Variants in CCDC85C observed in about 807,000 individuals in gnomAD.
CCDC85C encodes the protein coiled-coil domain containing 85C.
CCDC85C carries 18 observed loss-of-function variants against 38.3 expected under a neutral mutation model. The observed-to-expected ratio is 0.47, with a 90% CI of 0.33 to 0.70. The LOEUF is 0.70. Among genes scored for constraint, CCDC85C ranks in the 30% least tolerant of loss-of-function variants. The probability of loss-of-function intolerance (pLI) is 0.03; values close to 1 mark genes in which losing one functional copy is unlikely to be tolerated. For missense variants in CCDC85C, 566 were observed against 621.2 expected (o/e 0.91, Z 0.94); for synonymous variants, 264 against 293.8 (o/e 0.90, Z 1.04).
At chr14:99,571,345 G>GTAGTAATAATAATAATAATAA (rs35376895) in intron 1 of CCDC85C, among the ~76,000 whole-genome samples, 90 of 149,912 alleles carry the variant, frequency 6.0e-4, no homozygotes, top group African/African-American at 2.1e-3. Flanking sequence ...AGTAGTAGTA[G>GTAGTAATAATAATAATAATAA]TAATAATAAT....
In CCDC85C at chr14:99,505,619, TG is replaced by T. The variant is rs1896955018; in HGVS notation, c.*9626del. The T allele has an allele frequency of 6.6e-6, 1 of 152,222 alleles. No individual in the cohort carries two copies. Among genetic ancestry groups the T allele is most frequent in the Non-Finnish European group, 1.5e-5 (1 of 68,058 alleles). The allele number at this position is 152,222 out of a possible 1,614,324, so 9.4% of individuals were successfully genotyped here. A position where few individuals can be genotyped will look rare whatever the true frequency, so the allele number is the denominator to read the frequency against. On this transcript the variant is annotated 3_prime_UTR_variant, in exon 6 of 6. Coordinates refer to ENST00000380243, the MANE Select transcript of CCDC85C (RefSeq NM_001144995.2). ...TGGCACACTTGTAATCCCAGCACTT[TG>T]GGAGGCCAAGGCATGCTTTGAGCCC...
intron 2 of CCDC85C, among the ~76,000 whole-genome samples, chr14:99,528,181 C>T (rs1248107186): frequency 2.0e-5 from 3 of 152,130 alleles, no homozygotes; most frequent in Non-Finnish European, 4.4e-5. Context: ...CCCCCACAAA[C>T]ACCACTGCAA....
At chr14:99,532,074 C>G (rs1357396919) in intron 2 of CCDC85C, among the ~76,000 whole-genome samples, 1 of 152,200 alleles carries the variant, frequency 6.6e-6, no homozygotes, top group African/African-American at 2.4e-5. Flanking sequence ...ACTGGAGACA[C>G]CAATGTGGCC....
In CCDC85C at chr14:99,603,570, G is replaced by A; in HGVS notation, c.390C>T (p.Leu130=). 8 of 1,398,896 alleles carry A rather than the reference G, an allele frequency of 5.7e-6. No individual in the cohort carries two copies. The highest frequency in any genetic ancestry group is 6.5e-6 in the Non-Finnish European group (7 of 1,082,058). The allele number at this position is 1,398,896 out of a possible 1,614,324, so 86.7% of individuals were successfully genotyped here. A position where few individuals can be genotyped will look rare whatever the true frequency, so the allele number is the denominator to read the frequency against. The stretch of plus-strand genomic sequence containing the variant: ...GCAGCAGGGCCTCCTGGCGCGCCTC[G>A]AGCTCGCGCAGCTTCTGCTGCGAGC... ...VARSQQKLRE[L]EARQEALLRE... is the part of the protein sequence containing the mutation. Residue 130 remains leucine, a synonymous_variant, in exon 1 of 6, where the codon CTC becomes CTT. Coordinates refer to ENST00000380243, the MANE Select transcript of CCDC85C (RefSeq NM_001144995.2). This position sits in a 1 kb window ranked among gnomAD's most constrained non-coding sequence, Gnocchi z 7.5.
At chr14:99,564,504 G>A (rs977487571) in intron 1 of CCDC85C, among the ~76,000 whole-genome samples, 31 of 152,184 alleles carry the variant, frequency 2.0e-4, no homozygotes, top group African/African-American at 6.0e-4. Flanking sequence ...TGAGTTGCAC[G>A]ACACCGTTTA....
intron 2 of CCDC85C, among the ~76,000 whole-genome samples, chr14:99,531,363 C>A (rs1163693101): frequency 1.3e-5 from 2 of 152,058 alleles, no homozygotes; most frequent in Non-Finnish European, 2.9e-5. Context: ...CAATTACAGC[C>A]GCCCCCAGCC....
In CCDC85C at chr14:99,603,563, G is replaced by A; in HGVS notation, c.397C>T (p.Arg133Cys). 1 of 1,394,940 alleles carries A rather than the reference G, an allele frequency of 7.2e-7. No homozygotes were observed. Among genetic ancestry groups the A allele is most frequent in the Non-Finnish European group, 9.3e-7 (1 of 1,080,300 alleles). 86.4% of individuals were successfully genotyped at this position (1,394,940 alleles called of 1,614,324 possible). Residue 133 changes from arginine (R) to cysteine (C), a missense_variant, in exon 1 of 6, where the codon CGC becomes TGC. This residue lies in a region of CCDC85C where 269 missense variants were observed against 308.2 expected (regional missense o/e 0.87). Transcript: ENST00000380243. This position sits in a 1 kb window ranked among gnomAD's most constrained non-coding sequence, Gnocchi z 7.5. ...TTCTCGCGCAGCAGGGCCTCCTGGC[G>A]CGCCTCGAGCTCGCGCAGCTTCTGC... ...SQQKLRELEA[R>C]QEALLRENLE...
chr14:99,553,923 G>A (rs888458215), intron 1 of CCDC85C, among the ~76,000 whole-genome samples: 1 of 152,162 alleles, frequency 6.6e-6, no homozygotes. Flanking sequence ...CAAACTTGGG[G>A]GACAGAGGGT....
chr14:99,554,170 C>A (rs1279778248), intron 1 of CCDC85C, among the ~76,000 whole-genome samples: 1 of 152,208 alleles, frequency 6.6e-6, no homozygotes, highest in Non-Finnish European at 1.5e-5. Context: ...TCAGCCCACA[C>A]CCTCAGCTCC....
chr14:99,515,152 AGGG>A lies in CCDC85C; in HGVS notation c.*91_*93del. ...ACAGTTCACCACAGAGGAAGAAGAC[AGGG>A]GCTGGGCTGGAGGTCCTGCCCGTGT... is the stretch of plus-strand genomic sequence containing the variant. On this transcript the variant is annotated 3_prime_UTR_variant, in exon 6 of 6. Coordinates refer to ENST00000380243, the MANE Select transcript of CCDC85C (RefSeq NM_001144995.2). 1 of 864,778 alleles carries A rather than the reference AGGG, an allele frequency of 1.2e-6. No individual in the cohort carries two copies. Among genetic ancestry groups the A allele is most frequent in the Non-Finnish European group, 1.8e-6 (1 of 552,424 alleles). 53.6% of individuals were successfully genotyped at this position (864,778 alleles called of 1,614,324 possible).
intron 3 of CCDC85C, among the ~76,000 whole-genome samples, chr14:99,519,063 C>G (rs1421518842): frequency 6.6e-6 from 1 of 150,704 alleles, no homozygotes; most frequent in Non-Finnish European, 1.5e-5. Flanking sequence ...CACACTGCTC[C>G]CAGCAGGCAC....
Position 99,520,607 on chromosome 14 carries a change from G to A in CCDC85C, c.975+1526C>T, listed in dbSNP as rs191526610. On this transcript the variant is annotated intron_variant, in intron 3 of 5. Coordinates refer to ENST00000380243, the MANE Select transcript of CCDC85C (RefSeq NM_001144995.2). This position sits in a 1 kb window ranked among gnomAD's most constrained non-coding sequence, Gnocchi z 4.1. ...TCATCCCACTCCTGGGGGCCTGCCC[G>A]CCGACCAGCCCTGATCATGGCCCCT... Among the ~76,000 whole-genome samples the A allele has an allele frequency of 1.3e-5, 2 of 151,708 alleles. No homozygotes were observed. Among genetic ancestry groups the A allele is most frequent in the Non-Finnish European group, 2.9e-5 (2 of 67,890 alleles).
rs2139930889 is a variant in CCDC85C, at chr14:99,545,615, C to T, written c.794-9527G>A. ...TGTTAATGCCCATCACACTCCCCTA[C>T]CAACCCCAACTTCACTGCTGAAGTT... is the stretch of plus-strand genomic sequence containing the variant. On this transcript the variant is annotated intron_variant, in intron 1 of 5. Transcript: ENST00000380243. This position sits in a 1 kb window ranked among gnomAD's most constrained non-coding sequence, Gnocchi z 4.7. Among the ~76,000 whole-genome samples the T allele has an allele frequency of 6.6e-6, 1 of 152,234 alleles. No homozygotes were observed. Among genetic ancestry groups the T allele is most frequent in the East Asian group, 1.9e-4 (1 of 5,166 alleles).
At chr14:99,570,551 AG>A (rs1412143854) in intron 1 of CCDC85C, among the ~76,000 whole-genome samples, 1 of 151,976 alleles carries the variant, frequency 6.6e-6, no homozygotes, top group South Asian at 2.1e-4. Flanking sequence ...CTTCTTTTTC[AG>A]GGAGGGGGAC....
At chr14:99,565,359 C>T (rs1898195422) in intron 1 of CCDC85C, among the ~76,000 whole-genome samples, 1 of 152,204 alleles carries the variant, frequency 6.6e-6, no homozygotes. Flanking sequence ...GGGTTGGCAC[C>T]CCCTGGCATG....
chr14:99,562,553 CT>C (rs1206041637), intron 1 of CCDC85C, among the ~76,000 whole-genome samples: 1 of 152,212 alleles, frequency 6.6e-6, no homozygotes, highest in East Asian at 1.9e-4. Flanking sequence ...TGAACCAGGG[CT>C]GGCCCACACA....
rs747601740 is a variant in CCDC85C, at chr14:99,517,179, G to A, written c.980C>T (p.Pro327Leu). The stretch of plus-strand genomic sequence containing the variant: ...GGGCAGCTCAGGTGCGGGGCAGGCC[G>A]GGCCCTGGGGAAGGCAATCACACAT... ...PSYQDSLQNG[P>L]ACPAPELPSP... The change falls in exon 4 of 6, where the codon CCG (proline) becomes CTG (leucine). Residue 327 changes from proline (P) to leucine (L), a missense_variant. Transcript: ENST00000380243. 165 of 1,542,114 alleles carry A rather than the reference G, an allele frequency of 1.1e-4. No homozygotes were observed. The highest frequency in any genetic ancestry group is 1.4e-4 in the Non-Finnish European group (155 of 1,142,698).
At chr14:99,551,105 T>C (rs1897898147) in intron 1 of CCDC85C, among the ~76,000 whole-genome samples, 3 of 152,240 alleles carry the variant, frequency 2.0e-5, no homozygotes, top group African/African-American at 7.2e-5. Flanking sequence ...CTGGAACCAC[T>C]AGCTGCTTGT....
chr14:99,567,285 G>A (rs1239965759), intron 1 of CCDC85C, among the ~76,000 whole-genome samples: 3 of 152,164 alleles, frequency 2.0e-5, no homozygotes, highest in African/African-American at 4.8e-5. Context: ...GGATGTGGCC[G>A]CACAGAACAG....
Sources: allele counts gnomAD v4.1 joint callset (sites outside exome capture counted in the v4.1 genomes callset), GRCh38; gene constraint gnomAD v4.1.1; regional missense constraint gnomAD v4.1.1; non-coding constraint Gnocchi (gnomAD v3.1); transcripts MANE v1.5; gene names NCBI Gene and HGNC (gene_info 2026-07-23, HGNC 2026-07-21).